Variants in EED observed in about 807,000 individuals in gnomAD.
EED encodes embryonic ectoderm development.
Under a neutral mutation model 61.0 loss-of-function variants are expected in EED, and 9 were observed. That is an observed-to-expected ratio of 0.15 (90% confidence interval 0.09 to 0.26). The LOEUF (loss-of-function observed/expected upper bound fraction) is 0.26, where lower values mean the gene tolerates loss of function less well. EED is among the 10% of genes least tolerant of loss of function. EED has a pLI of 1.00. For synonymous variants in EED, 187 were observed against 174.4 expected, an observed-to-expected ratio of 1.07 and a Z score of -0.57; for missense variants, 315 against 542.3, an observed-to-expected ratio of 0.58 and a Z score of 4.16.
intron 6 of EED, among the ~76,000 whole-genome samples, chr11:86,259,119 C>T (rs1008093908): frequency 1.1e-4 from 17 of 151,672 alleles, no homozygotes; most frequent in African/African-American, 2.9e-4. Flanking sequence ...CCACCCGCAT[C>T]GGCCTCCCAA....
At chr11:86,286,693 C>A in the EED span, among the ~76,000 whole-genome samples, 1 of 151,960 alleles carries the variant, frequency 6.6e-6, no homozygotes, top group Non-Finnish European at 1.5e-5. Flanking sequence ...ACTATACAGG[C>A]CAGGTGCGGT....
the EED span, among the ~76,000 whole-genome samples, chr11:86,285,427 GAAAA>G: frequency 6.7e-6 from 1 of 149,946 alleles, no homozygotes; most frequent in African/African-American, 2.4e-5. Flanking sequence ...CTCAAAAAAA[GAAAA>G]AAAAATTAAA....
intron 6 of EED, among the ~76,000 whole-genome samples, chr11:86,258,848 G>A (rs1007734255): frequency 1.3e-5 from 2 of 151,504 alleles, no homozygotes; most frequent in African/African-American, 4.9e-5. Context: ...GAGCCACTGC[G>A]TCCTGCCTCT....
At chr11:86,264,862 T>A (rs1461814920) in intron 7 of EED, 1 of 152,236 alleles carries the variant, frequency 6.6e-6, no homozygotes, top group African/African-American at 2.4e-5. Flanking sequence ...CATATTTAGC[T>A]CATTTGATTC....
rs1313613557 is a variant in EED at position 86,245,328 on chromosome 11, C to T, written c.99C>T (p.Leu33=). 4 of 1,611,800 alleles carry T rather than the reference C, an allele frequency of 2.5e-6. No homozygotes were observed. The highest frequency in any genetic ancestry group is 1.3e-5 in the African/African-American group (1 of 74,750). ...LSSDENSNPD[L]SGDENDDAVS... ...GTGACGAGAACAGCAATCCAGACCTCTCTGGAGACGAGAATGTAAGTGCAG... is the reference window on the plus strand; with the variant it reads ...GTGACGAGAACAGCAATCCAGACCTTTCTGGAGACGAGAATGTAAGTGCAG... Residue 33 remains leucine (L), a synonymous_variant, in exon 1 of 12, where the codon CTC becomes CTT. Transcript: ENST00000263360.
chr11:86,273,148 C>G (rs184380635), intron 9 of EED, among the ~76,000 whole-genome samples: 1 of 152,278 alleles, frequency 6.6e-6, no homozygotes, highest in Admixed American at 6.5e-5. Context: ...TTCAGCCTCC[C>G]GAGTAGCTAG....
At chr11:86,285,492 A>G in the EED span, among the ~76,000 whole-genome samples, 1 of 152,226 alleles carries the variant, frequency 6.6e-6, no homozygotes, top group Non-Finnish European at 1.5e-5. Context: ...CCATCCTTTA[A>G]CAATTTCTCA....
At chr11:86,287,009 A>G in the EED span, among the ~76,000 whole-genome samples, 1 of 151,250 alleles carries the variant, frequency 6.6e-6, no homozygotes, top group African/African-American at 2.4e-5. Context: ...TAGACTATAC[A>G]TAATAACCCA....
intron 3 of EED, among the ~76,000 whole-genome samples, chr11:86,254,324 T>G (rs981421900): frequency 1.5e-5 from 2 of 135,834 alleles, no homozygotes; most frequent in Non-Finnish European, 3.1e-5. Flanking sequence ...TTTTTTATGG[T>G]TTTTTTTTTT....
At chr11:86,262,658 A>C (rs1945863638) in intron 6 of EED, among the ~76,000 whole-genome samples, 1 of 151,656 alleles carries the variant, frequency 6.6e-6, no homozygotes, top group East Asian at 1.9e-4. Context: ...CTACAGGCAC[A>C]TGCCACCACA....
At chr11:86,282,240 A>G (rs1445016950), downstream of EED, among the ~76,000 whole-genome samples, 1 of 152,240 alleles carries the variant, frequency 6.6e-6, no homozygotes, top group Non-Finnish European at 1.5e-5. Context: ...TTTATTTAGA[A>G]GTATAAAGAA....
At chr11:86,250,121 A>G (rs1236281932) in intron 1 of EED, among the ~76,000 whole-genome samples, 175 bp from the exon 2 acceptor site, 2 of 152,354 alleles carry the variant, frequency 1.3e-5, no homozygotes, top group South Asian at 2.1e-4. Context: ...AATATCTACA[A>G]ACCTTCTAAC....
At chr11:86,263,962 C>T in intron 6 of EED, 1 of 517,500 alleles carries the variant, frequency 1.9e-6, no homozygotes, top group African/African-American at 1.9e-5. Flanking sequence ...CTAGCACATG[C>T]TTTTGGGGGG....
At chr11:86,261,225 G>T (rs1471464962) in intron 6 of EED, among the ~76,000 whole-genome samples, 1 of 152,188 alleles carries the variant, frequency 6.6e-6, no homozygotes, top group Non-Finnish European at 1.5e-5. Context: ...GCATAGGATA[G>T]ACAGTCCCTT....
At chr11:86,259,645 A>G (rs1220401121) in intron 6 of EED, among the ~76,000 whole-genome samples, 1 of 152,198 alleles carries the variant, frequency 6.6e-6, no homozygotes, top group Non-Finnish European at 1.5e-5. Context: ...AAGAATTTTT[A>G]TAGCTCAACA....
intron 8 of EED, chr11:86,267,765 A>C (rs1350888360): frequency 1.9e-5 from 1 of 53,828 alleles, no homozygotes. Flanking sequence ...ATGCCTGGCT[A>C]ATTTTTTTTT....
Position 86,244,942 on chromosome 11 carries a change from G to A in EED, c.-288G>A, listed in dbSNP as rs1217250616. 2.6e-6 allele frequency: 1 copy of A among 389,816 alleles called. No individual in the cohort carries two copies. Among genetic ancestry groups the A allele is most frequent in the East Asian group, 4.9e-5 (1 of 20,544 alleles). 24.1% of individuals were successfully genotyped at this position (389,816 alleles called of 1,614,324 possible). A position where few individuals can be genotyped will look rare whatever the true frequency, so the allele number is the denominator to read the frequency against. ...CTTAATCCAACGGACCTTACATCGT[G>A]TAGACTGCCGGGAGGGCGGCGGGAA... On this transcript the variant is annotated 5_prime_UTR_variant, in exon 1 of 12. Coordinates refer to ENST00000263360, the MANE Select transcript of EED (RefSeq NM_003797.5).
At chr11:86,268,645 G>C in intron 9 of EED, 84 bp downstream of exon 9, 1 of 883,662 alleles carries the variant, frequency 1.1e-6, no homozygotes, top group Non-Finnish European at 1.6e-6. Context: ...GCGCATGTTG[G>C]AACTTGGCAG....
chr11:86,277,775 T>C lies in EED; in HGVS notation c.1126-143T>C, dbSNP rs145614114. On this transcript the variant is annotated intron_variant, in intron 10 of 11. Transcript: ENST00000263360. ...CTTATTCATATTTACGAATCAGGAG[T>C]ATAAGACCCAAAGAAATAGCCAAGA... The C allele has an allele frequency of 6.0e-4, 368 of 617,402 alleles. 3 individuals carry two copies. In the African/African-American group the frequency reaches 6.7e-3, roughly 11 times the overall value. 38.2% of individuals were successfully genotyped at this position (617,402 alleles called of 1,614,324 possible). A position where few individuals can be genotyped will look rare whatever the true frequency, so the allele number is the denominator to read the frequency against.
Sources: gnomAD v4.1 joint callset for allele counts (sites outside exome capture counted in the v4.1 genomes callset) on GRCh38, gnomAD v4.1.1 for gene constraint, MANE v1.5 for transcripts, NCBI Gene and HGNC (gene_info 2026-07-23, HGNC 2026-07-21) for gene names.